Variants in CCDC7 observed in about 807,000 individuals in gnomAD.
CCDC7 encodes coiled-coil domain-containing protein 7.
A neutral mutation model predicts 196.9 loss-of-function variants in CCDC7; 183 were observed. The ratio of observed to expected loss-of-function variants is 0.93; its 90% CI spans 0.82 to 1.05. The LOEUF (loss-of-function observed/expected upper bound fraction) is 1.05, where lower values mean the gene tolerates loss of function less well. CCDC7 is among the 50% of genes least tolerant of loss of function. CCDC7 has a pLI of 0.00. For synonymous variants in CCDC7, 525 were observed against 484.6 expected (o/e 1.08, Z -1.10); for missense variants, 1,540 against 1,482.2 (o/e 1.04, Z -0.64).
At chr10:32,472,589 T>G in intron 7 of CCDC7, 47 bp downstream of exon 8, 2 of 1,436,330 alleles carry the variant, frequency 1.4e-6, no homozygotes, top group Non-Finnish European at 1.8e-6. Flanking sequence ...TTATTAAAAA[T>G]TTTGTTATTA....
At chr10:32,528,678 ATG>A (rs199938304) in intron 11 of CCDC7, among the ~76,000 whole-genome samples, 7,053 of 145,502 alleles carry the variant, frequency 0.048, 191 homozygotes, top group Middle Eastern at 0.062. Context: ...ACATATATAT[ATG>A]CATATATATA....
At chr10:32,621,454 ATCTG>A (rs563436762) in intron 18 of CCDC7, among the ~76,000 whole-genome samples, 10 of 152,132 alleles carry the variant, frequency 6.6e-5, no homozygotes, top group Admixed American at 1.3e-4. Flanking sequence ...AACCAATAGG[ATCTG>A]TCTGTCTGTC....
intron 18 of CCDC7, among the ~76,000 whole-genome samples, chr10:32,591,303 C>G (rs1401878384): frequency 1.3e-5 from 2 of 151,858 alleles, no homozygotes; most frequent in African/African-American, 2.4e-5. Context: ...TCTGCCTGAT[C>G]AGTTCTGCTA....
intron 41 of CCDC7, among the ~76,000 whole-genome samples, chr10:32,864,533 A>T (rs938582584): frequency 6.6e-6 from 1 of 151,352 alleles, no homozygotes; most frequent in Non-Finnish European, 1.5e-5. Context: ...TGCAATTAAA[A>T]TCAGAAATTT....
At chr10:32,602,590 T>A (rs998615334) in intron 18 of CCDC7, among the ~76,000 whole-genome samples, 1 of 152,158 alleles carries the variant, frequency 6.6e-6, no homozygotes, top group African/African-American at 2.4e-5. Flanking sequence ...TGCTTAATTT[T>A]ATTTATTTAT....
chr10:32,600,320 A>G (rs951950057), intron 18 of CCDC7, among the ~76,000 whole-genome samples: 4 of 145,368 alleles, frequency 2.8e-5, no homozygotes, highest in Non-Finnish European at 4.5e-5. Context: ...TTTTGCAGCT[A>G]TTGTAAAAAA....
chr10:32,666,747 TG>T (rs1183276194), intron 21 of CCDC7, among the ~76,000 whole-genome samples: 1 of 152,192 alleles, frequency 6.6e-6, no homozygotes, highest in African/African-American at 2.4e-5. Flanking sequence ...GGTGTATATG[TG>T]CCACATTTTC....
intron 29 of CCDC7, among the ~76,000 whole-genome samples, chr10:32,802,829 T>G (rs978107069): frequency 2.0e-5 from 3 of 152,234 alleles, no homozygotes; most frequent in Non-Finnish European, 4.4e-5. Flanking sequence ...AGGTGAAAGA[T>G]GTAGGCTAGG....
chr10:32,780,846 AT>A (rs780201396), intron 29 of CCDC7, among the ~76,000 whole-genome samples: 1 of 152,078 alleles, frequency 6.6e-6, no homozygotes, highest in South Asian at 2.1e-4. Flanking sequence ...TGCAGAATGA[AT>A]TTTTTTTAAA....
chr10:32,565,911 A>G (rs981504739), intron 14 of CCDC7, among the ~76,000 whole-genome samples: 4 of 152,186 alleles, frequency 2.6e-5, no homozygotes, highest in Non-Finnish European at 5.9e-5. Flanking sequence ...GAAAAGAAAA[A>G]AAGACAATGT....
At chr10:32,623,780 C>G (rs1006395410) in intron 18 of CCDC7, 1 of 470,206 alleles carries the variant, frequency 2.1e-6, no homozygotes, top group Non-Finnish European at 4.4e-6. Flanking sequence ...AGCTTCTACT[C>G]GTGCAGGAAG....
At position 32,485,131 on chromosome 10, in the gene CCDC7, A is replaced by G. The variant is rs7074924; in HGVS notation, c.797-6791A>G. On this transcript the variant is annotated intron_variant, in intron 8 of 41. Coordinates refer to ENST00000639629, the Ensembl canonical transcript of CCDC7. Reference sequence around the variant, plus strand: ...CGGCTGTGAATCCATCTGGTCCTGGACTTTTTTTGGTTGGTAAGCTATTAA... The same window carrying G: ...CGGCTGTGAATCCATCTGGTCCTGGGCTTTTTTTGGTTGGTAAGCTATTAA... 7.0e-3 allele frequency among the ~76,000 whole-genome samples: 1,070 copies of G among 152,186 alleles called. 13 individuals are homozygous for G. Among genetic ancestry groups the G allele is most frequent in the African/African-American group, 0.025 (1,021 of 41,518 alleles).
intron 14 of CCDC7, among the ~76,000 whole-genome samples, chr10:32,566,981 CAT>C (rs1428794013): frequency 7.7e-5 from 9 of 117,074 alleles, no homozygotes; most frequent in South Asian, 6.1e-4. Context: ...AAATATATAA[CAT>C]ATTTATATAT....
intron 18 of CCDC7, among the ~76,000 whole-genome samples, chr10:32,616,112 T>C (rs1016536463): frequency 1.3e-5 from 2 of 152,076 alleles, no homozygotes; most frequent in African/African-American, 4.8e-5. Context: ...AGCTTTGTTC[T>C]TTTTTGCTTA....
intron 40 of CCDC7, among the ~76,000 whole-genome samples, chr10:32,852,970 A>C (rs558656238): frequency 1.0e-3 from 155 of 152,286 alleles, no homozygotes; most frequent in African/African-American, 3.6e-3. Flanking sequence ...AGTTGACAAG[A>C]TAGGCTAGGA....
chr10:32,521,726 C>CCAGTACTATG (rs1312696407), intron 11 of CCDC7, among the ~76,000 whole-genome samples: 1 of 152,058 alleles, frequency 6.6e-6, no homozygotes, highest in African/African-American at 2.4e-5. Context: ...GTGAGAACTT[C>CCAGTACTATG]CAGTACTATG....
chr10:32,623,655 GA>G (rs1464696565), intron 18 of CCDC7: 2 of 459,590 alleles, frequency 4.4e-6, no homozygotes, highest in Non-Finnish European at 8.8e-6. Context: ...TTGACATAAG[GA>G]AATACTTGAG....
At chr10:32,821,926 G>A (rs138539051) in intron 31 of CCDC7, among the ~76,000 whole-genome samples, 15,903 of 151,574 alleles carry the variant, frequency 0.1, 1,026 homozygotes, top group South Asian at 0.25. Flanking sequence ...AAACCTGCAC[G>A]TTGTGCACAT....
In CCDC7 at chr10:32,812,606, A is replaced by G. The variant is rs149555455; in HGVS notation, c.3098-1764A>G. On this transcript the variant is annotated intron_variant, in intron 30 of 41. Coordinates refer to ENST00000639629, the Ensembl canonical transcript of CCDC7. ...AAATCCATAGAATTTAAGATTTTAG[A>G]TAGCTTATTTAAAATACTCAGTGAA... Among the ~76,000 whole-genome samples the G allele has an allele frequency of 2.0e-3, 307 of 152,254 alleles. 8 individuals carry two copies. Among genetic ancestry groups the G allele is most frequent in the Admixed American group, 0.018 (279 of 15,302 alleles).
Sources: gnomAD v4.1 joint callset for allele counts (sites outside exome capture counted in the v4.1 genomes callset) on GRCh38, gnomAD v4.1.1 for gene constraint, MANE v1.5 for transcripts, NCBI Gene and HGNC (gene_info 2026-07-23, HGNC 2026-07-21) for gene names.